Variants in PACSIN2 observed in about 807,000 individuals in gnomAD.
PACSIN2 encodes protein kinase C and casein kinase substrate in neurons 2, also known as protein kinase C and casein kinase substrate in neurons protein 2.
Under a neutral mutation model 63.8 loss-of-function variants are expected in PACSIN2, and 25 were observed. The ratio of observed to expected loss-of-function variants is 0.39; its 90% CI spans 0.29 to 0.55. PACSIN2 has a LOEUF of 0.55. Ranked by LOEUF, PACSIN2 falls within the 20% of genes least tolerant of loss-of-function variation. The pLI is 0.62. For synonymous variants in PACSIN2, 255 were observed against 256.2 expected (o/e 1.00, Z 0.05); for missense variants, 518 against 646.9 (o/e 0.80, Z 2.16).
intron 1 of PACSIN2, among the ~76,000 whole-genome samples, chr22:43,010,412 G>C (rs1340157672): frequency 1.1e-4 from 7 of 61,912 alleles, no homozygotes; most frequent in Non-Finnish European, 2.3e-4. Flanking sequence ...TTTTTTAATT[G>C]AAAATAAAAA....
At chr22:42,918,545 C>T (rs547454198) in intron 1 of PACSIN2, among the ~76,000 whole-genome samples, 8 of 152,292 alleles carry the variant, frequency 5.3e-5, no homozygotes, top group African/African-American at 1.7e-4. Context: ...AACCAAGATA[C>T]AGATAATTCA....
chr22:42,968,144 G>A (rs1920995318), intron 1 of PACSIN2, among the ~76,000 whole-genome samples: 1 of 152,150 alleles, frequency 6.6e-6, no homozygotes, highest in South Asian at 2.1e-4. Flanking sequence ...CCCTCTGACG[G>A]CCGAGTGTGT....
chr22:43,006,599 G>A (rs1924105869), intron 1 of PACSIN2, among the ~76,000 whole-genome samples: 1 of 152,204 alleles, frequency 6.6e-6, no homozygotes. Context: ...CGGGCCGTTT[G>A]AGGTCAGGAG....
At position 42,876,276 on chromosome 22, in the gene PACSIN2, A is replaced by G. The variant is rs372491299; in HGVS notation, c.1209T>C (p.Ser403=). 5.6e-6 allele frequency: 9 copies of G among 1,614,052 alleles called. No individual in the cohort carries two copies. Among genetic ancestry groups the G allele is most frequent in the Non-Finnish European group, 6.8e-6 (8 of 1,180,028 alleles). Residue 403 remains serine, a synonymous_variant, in exon 10 of 11, where the codon TCT becomes TCC. Coordinates refer to ENST00000263246, the MANE Select transcript of PACSIN2 (RefSeq NM_001184970.3). ...CATCCGTGGAGGAGAAGGGGTTGTTAGACTCATCGTCTGACCAGTCGGTGG... is the reference window on the plus strand; with the variant it reads ...CATCCGTGGAGGAGAAGGGGTTGTTGGACTCATCGTCTGACCAGTCGGTGG... The part of the protein sequence containing the change: ...SYPTDWSDDE[S]NNPFSSTDAN...
intron 2 of PACSIN2, 87 bp downstream of exon 2, chr22:42,911,934 T>C (rs1931486078): frequency 2.1e-6 from 2 of 933,098 alleles, no homozygotes; most frequent in Non-Finnish European, 3.4e-6. Context: ...TCACCTCAGT[T>C]CCCAACCTCC....
chr22:42,990,441 C>G (rs376373367), intron 1 of PACSIN2, among the ~76,000 whole-genome samples: 249 of 152,260 alleles, frequency 1.6e-3, no homozygotes, highest in South Asian at 9.5e-3. Flanking sequence ...CTACCCAGCT[C>G]CTAGCCCCAC....
chr22:42,887,333 T>C (rs372574168), intron 5 of PACSIN2, among the ~76,000 whole-genome samples: 1 of 152,338 alleles, frequency 6.6e-6, no homozygotes, highest in African/African-American at 2.4e-5. Context: ...ATGTATGGGC[T>C]TGAGGTCAGA....
At chr22:42,971,361 GC>G (rs1921253228) in intron 1 of PACSIN2, among the ~76,000 whole-genome samples, 1 of 152,242 alleles carries the variant, frequency 6.6e-6, no homozygotes, top group African/African-American at 2.4e-5. Flanking sequence ...TGCCAGGACT[GC>G]AGACGGAGTC....
intron 1 of PACSIN2, among the ~76,000 whole-genome samples, chr22:42,974,808 G>C (rs1273612011): frequency 1.3e-5 from 2 of 150,256 alleles, no homozygotes; most frequent in Non-Finnish European, 3.0e-5. Context: ...AGGAGAGGAA[G>C]AAAAGAGAAA....
At position 42,944,740 on chromosome 22, in the gene PACSIN2, C is replaced by T. The variant is rs566831678; in HGVS notation, c.-77-32583G>A. Reference sequence around the variant, plus strand: ...ACTAGCAGGTGAGCTATTTTCCATCCGAAATTGGGTATAAGCAAAAAAGGC... The same window carrying T: ...ACTAGCAGGTGAGCTATTTTCCATCTGAAATTGGGTATAAGCAAAAAAGGC... On this transcript the variant is annotated intron_variant, in intron 1 of 10. Coordinates refer to ENST00000263246, the MANE Select transcript of PACSIN2 (RefSeq NM_001184970.3). 2.6e-5 allele frequency among the ~76,000 whole-genome samples: 4 copies of T among 152,254 alleles called. No homozygotes were observed. In the South Asian group the frequency reaches 8.3e-4, roughly 32 times the overall value.
chr22:42,893,641 G>A (rs767414644), intron 2 of PACSIN2, 28 bp from the exon 3 acceptor site: 12 of 1,603,258 alleles, frequency 7.5e-6, no homozygotes, highest in Non-Finnish European at 2.6e-6. Flanking sequence ...CTGGGAGGCA[G>A]GGGGCTTGGG....
At chr22:42,921,238 A>G (rs1932171282) in intron 1 of PACSIN2, among the ~76,000 whole-genome samples, 1 of 152,040 alleles carries the variant, frequency 6.6e-6, no homozygotes, top group South Asian at 2.1e-4. Flanking sequence ...ACACGCCTGT[A>G]GTTCTAGCTG....
chr22:42,971,659 C>A (rs1174277510), intron 1 of PACSIN2, among the ~76,000 whole-genome samples: 1 of 152,174 alleles, frequency 6.6e-6, no homozygotes, highest in East Asian at 1.9e-4. Flanking sequence ...TGCCCGGCCG[C>A]CCATCGTCTG....
chr22:42,900,498 T>C (rs551194160), intron 2 of PACSIN2, among the ~76,000 whole-genome samples: 1 of 152,352 alleles, frequency 6.6e-6, no homozygotes, highest in East Asian at 1.9e-4. Context: ...TTATTTTATT[T>C]GCGAGAAGGG....
intron 1 of PACSIN2, among the ~76,000 whole-genome samples, chr22:42,925,332 T>C (rs1569280441): frequency 6.6e-6 from 1 of 151,870 alleles, no homozygotes; most frequent in South Asian, 2.1e-4. Context: ...ATACAAAAAT[T>C]AGCTGTGTGT....
chr22:42,998,258 G>C (rs542111671), intron 1 of PACSIN2, among the ~76,000 whole-genome samples: 1 of 152,200 alleles, frequency 6.6e-6, no homozygotes, highest in African/African-American at 2.4e-5. Flanking sequence ...TTCAGGGACC[G>C]TGAATATAGG....
chr22:42,885,364 A>G (rs1458426182), intron 5 of PACSIN2, among the ~76,000 whole-genome samples: 1 of 151,986 alleles, frequency 6.6e-6, no homozygotes, highest in African/African-American at 2.4e-5. Context: ...TGGTGGGATC[A>G]TGGTCGTGTT....
intron 1 of PACSIN2, among the ~76,000 whole-genome samples, chr22:43,008,295 G>A (rs1235477912): frequency 6.6e-6 from 1 of 151,966 alleles, no homozygotes; most frequent in Non-Finnish European, 1.5e-5. Context: ...CTGTCGCCCA[G>A]GCTGGAGTGC....
chr22:42,969,709 C>A (rs1921100777), intron 1 of PACSIN2, among the ~76,000 whole-genome samples: 1 of 152,116 alleles, frequency 6.6e-6, no homozygotes, highest in Admixed American at 6.5e-5. Flanking sequence ...GAGGCCGAGG[C>A]ATGATGATCG....
Sources: gnomAD v4.1 joint callset for allele counts (sites outside exome capture counted in the v4.1 genomes callset) on GRCh38, gnomAD v4.1.1 for gene constraint, MANE v1.5 for transcripts, NCBI Gene and HGNC (gene_info 2026-07-23, HGNC 2026-07-21) for gene names.